The following IRAK1BP1 variants were observed in gnomAD, a reference collection of about 807,000 sequenced individuals.
The protein encoded by IRAK1BP1 is interleukin-1 receptor-associated kinase 1-binding protein 1.
A neutral mutation model predicts 28.0 loss-of-function variants in IRAK1BP1; 24 were observed. The observed-to-expected ratio is 0.86, with a 90% CI of 0.62 to 1.20. The LOEUF (loss-of-function observed/expected upper bound fraction) is 1.20, where lower values mean the gene tolerates loss of function less well. Among genes scored for constraint, IRAK1BP1 ranks in the 50% most tolerant of loss-of-function variants. IRAK1BP1 has a pLI of 0.00. For synonymous variants in IRAK1BP1, 131 were observed against 116.3 expected, an observed-to-expected ratio of 1.13 and a Z score of -0.81; for missense variants, 336 against 316.7, an observed-to-expected ratio of 1.06 and a Z score of -0.46.
intron 1 of IRAK1BP1, among the ~76,000 whole-genome samples, chr6:78,881,202 A>G (rs2127643232): frequency 1.3e-5 from 2 of 152,326 alleles, no homozygotes; most frequent in East Asian, 1.9e-4. Flanking sequence ...AAAAGGAATG[A>G]GAATTGATTC....
At chr6:78,933,258 C>T (rs1773123129) in intron 4 of IRAK1BP1, among the ~76,000 whole-genome samples, 2 of 152,210 alleles carry the variant, frequency 1.3e-5, no homozygotes, top group Admixed American at 6.5e-5. Flanking sequence ...GCTAAATCAT[C>T]TGGATAACTT....
At chr6:78,943,989 TTAAAA>T (rs1461135193) in intron 4 of IRAK1BP1, among the ~76,000 whole-genome samples, 1 of 46,822 alleles carries the variant, frequency 2.1e-5, no homozygotes, top group Non-Finnish European at 4.1e-5. Context: ...CTGTCTTTTT[TTAAAA>T]AAAAAAAAAA....
the IRAK1BP1 span, chr6:78,966,193 A>C: frequency 5.0e-6 from 3 of 601,386 alleles, no homozygotes; most frequent in East Asian, 5.5e-5. Flanking sequence ...AACTCCAAAA[A>C]TAAGTAAGTA....
rs781035872 is a variant in IRAK1BP1, at chr6:78,885,435, G to A, written c.373G>A (p.Glu125Lys). 1 of 1,484,234 alleles carries A rather than the reference G, an allele frequency of 6.7e-7. No individual in the cohort carries two copies. Among genetic ancestry groups the A allele is most frequent in the Non-Finnish European group, 9.0e-7 (1 of 1,105,400 alleles). 91.9% of individuals were successfully genotyped at this position (1,484,234 alleles called of 1,614,324 possible). A position where few individuals can be genotyped will look rare whatever the true frequency, so the allele number is the denominator to read the frequency against. ...FRRVENAYHM[E>K]AEVCITFTEF... ...GAGAGTGGAAAATGCTTATCACATGGAAGCAGAGGTATGTACTTAACAAAT... is the reference window on the plus strand; with the variant it reads ...GAGAGTGGAAAATGCTTATCACATGAAAGCAGAGGTATGTACTTAACAAAT... Residue 125 changes from glutamate to lysine, a missense_variant, in exon 2 of 4, where the codon GAA becomes AAA. Transcript: ENST00000369940.
the IRAK1BP1 span, among the ~76,000 whole-genome samples, chr6:78,969,216 G>A: frequency 6.6e-6 from 1 of 152,164 alleles, no homozygotes; most frequent in African/African-American, 2.4e-5. Context: ...CCATGTCAAT[G>A]CGTTCTAGTG....
intron 4 of IRAK1BP1, among the ~76,000 whole-genome samples, chr6:78,921,043 A>G (rs943536657): frequency 6.6e-6 from 1 of 152,192 alleles, no homozygotes; most frequent in African/African-American, 2.4e-5. Context: ...CTGAGGTACC[A>G]GGTTCATCTC....
the IRAK1BP1 span, among the ~76,000 whole-genome samples, chr6:78,951,665 G>A: frequency 6.6e-6 from 1 of 152,148 alleles, no homozygotes; most frequent in Non-Finnish European, 1.5e-5. Flanking sequence ...CGTTTAGCTG[G>A]TGGGACAGGT....
chr6:78,928,523 G>C (rs1176725746), intron 4 of IRAK1BP1, among the ~76,000 whole-genome samples: 1 of 151,922 alleles, frequency 6.6e-6, no homozygotes, highest in Non-Finnish European at 1.5e-5. Context: ...TCCTTTCCTT[G>C]TCTGATTGCT....
At chr6:78,922,261 G>A (rs1772756364) in intron 4 of IRAK1BP1, among the ~76,000 whole-genome samples, 1 of 152,150 alleles carries the variant, frequency 6.6e-6, no homozygotes, top group Non-Finnish European at 1.5e-5. Context: ...CATGGCACGA[G>A]AACTACATGA....
At chr6:78,922,548 A>G (rs1562099154) in intron 4 of IRAK1BP1, among the ~76,000 whole-genome samples, 1 of 152,214 alleles carries the variant, frequency 6.6e-6, no homozygotes, top group Non-Finnish European at 1.5e-5. Context: ...GCAGGCCAAC[A>G]TTCAAATTCA....
chr6:78,978,842 G>A, the IRAK1BP1 span: 7 of 609,688 alleles, frequency 1.1e-5, no homozygotes, highest in Non-Finnish European at 1.8e-5. Context: ...ATTATATACA[G>A]TTGGCCCTGT....
downstream of IRAK1BP1, among the ~76,000 whole-genome samples, chr6:78,947,977 A>G (rs1773921369): frequency 6.6e-6 from 1 of 152,050 alleles, no homozygotes; most frequent in Admixed American, 6.6e-5. Context: ...GCAATCAACA[A>G]TAATTTTCTT....
Position 78,885,405 on chromosome 6 carries a change from T to C in IRAK1BP1, c.343T>C (p.Phe115Leu), listed in dbSNP as rs536432481. 2.5e-5 allele frequency: 40 copies of C among 1,584,212 alleles called. 1 individual carries two copies. The African/African-American group carries it at 3.6e-4, about 14-fold the overall frequency. Reference protein sequence around the residue: ...QAENITVTKDFRRVENAYHME... With the variant: ...QAENITVTKDLRRVENAYHME... ...AGAAAATATAACTGTGACAAAGGAT[T>C]TTAGGAGAGTGGAAAATGCTTATCA... Residue 115 changes from phenylalanine (F) to leucine (L), a missense_variant, in exon 2 of 4, where the codon TTT (phenylalanine) becomes CTT (leucine). Physicochemically the swap from Phe to Leu is conservative, Grantham distance 22. Transcript: ENST00000369940.
the IRAK1BP1 span, among the ~76,000 whole-genome samples, chr6:78,968,792 C>A: frequency 2.0e-5 from 3 of 152,086 alleles, no homozygotes; most frequent in Non-Finnish European, 4.4e-5. Flanking sequence ...ATTAAATCTT[C>A]CCACAATCTC....
At chr6:78,916,724 A>T (rs1321087265) in intron 4 of IRAK1BP1, among the ~76,000 whole-genome samples, 3 of 152,138 alleles carry the variant, frequency 2.0e-5, no homozygotes, top group Non-Finnish European at 4.4e-5. Context: ...TAGAAAAGAA[A>T]CAGAGTGGTT....
downstream of IRAK1BP1, among the ~76,000 whole-genome samples, chr6:78,947,104 A>C (rs1453772852): frequency 6.6e-6 from 1 of 152,198 alleles, no homozygotes; most frequent in Non-Finnish European, 1.5e-5. Flanking sequence ...TTCTTAAAGA[A>C]AAGTCCGACT....
chr6:78,881,700 G>T (rs1484312879), intron 1 of IRAK1BP1, among the ~76,000 whole-genome samples: 1 of 152,068 alleles, frequency 6.6e-6, no homozygotes, highest in Non-Finnish European at 1.5e-5. Flanking sequence ...TAAGGATGAA[G>T]AATAAAGATA....
rs1236210334 is a variant in IRAK1BP1 at position 78,935,560 on chromosome 6, G to T, written c.*68-9848G>T. The T allele has an allele frequency of 3.1e-6, 3 of 966,114 alleles. No individual in the cohort carries two copies. The East Asian group carries it at 3.4e-4, about 111-fold the overall frequency. 59.8% of individuals were successfully genotyped at this position (966,114 alleles called of 1,614,324 possible). A position where few individuals can be genotyped will look rare whatever the true frequency, so the allele number is the denominator to read the frequency against. On this transcript the variant is annotated intron_variant and NMD_transcript_variant, in intron 4 of 4. Coordinates refer to the IRAK1BP1 transcript ENST00000606868. The stretch of plus-strand genomic sequence containing the variant: ...AGTGAAGTATTTATCACTCATCACA[G>T]TAACTTACGGTAAGAAATCAATAAA...
At chr6:78,946,986 T>C (rs946161109), downstream of IRAK1BP1, 30 of 600,890 alleles carry the variant, frequency 5.0e-5, no homozygotes, top group Non-Finnish European at 7.7e-5. Context: ...AATTTAATTA[T>C]TGTTTTTTAC....
Sources: allele counts gnomAD v4.1 joint callset (sites outside exome capture counted in the v4.1 genomes callset), GRCh38; gene constraint gnomAD v4.1.1; transcripts MANE v1.5; gene names NCBI Gene and HGNC (gene_info 2026-07-23, HGNC 2026-07-21).